NUAK1: variants seen among roughly 807,000 people sequenced by gnomAD.
NUAK1 encodes NUAK family SNF1-like kinase 1.
A neutral mutation model predicts 56.9 loss-of-function variants in NUAK1; 26 were observed. The ratio of observed to expected loss-of-function variants is 0.46; its 90% CI spans 0.33 to 0.63. The LOEUF (loss-of-function observed/expected upper bound fraction) is 0.63, where lower values mean the gene tolerates loss of function less well. Ranked by LOEUF, NUAK1 falls within the 30% of genes least tolerant of loss-of-function variation. The probability of loss-of-function intolerance (pLI) is 0.02; values close to 1 mark genes in which losing one functional copy is unlikely to be tolerated. For synonymous variants in NUAK1, 337 were observed against 336.0 expected (o/e 1.00, Z -0.03); for missense variants, 727 against 876.1 (o/e 0.83, Z 2.15).
Position 106,076,099 on chromosome 12 carries a change from A to G in NUAK1, c.580-3256T>C, listed in dbSNP as rs563099057. On this transcript the variant is annotated intron_variant, in intron 4 of 6. Transcript: ENST00000261402. ...GGATACTGCGGAAAGGCAAAAATCC[A>G]TGAAAAGGATGACAAACTGAAATTT... 2.3e-4 allele frequency among the ~76,000 whole-genome samples: 35 copies of G among 152,382 alleles called. 1 individual carries two copies. The South Asian group carries it at 6.6e-3, about 29-fold the overall frequency.
chr12:106,096,601 C>T (rs953884428), intron 2 of NUAK1, among the ~76,000 whole-genome samples: 21 of 152,192 alleles, frequency 1.4e-4, no homozygotes, highest in Non-Finnish European at 1.5e-5. Flanking sequence ...GGAGTAAACA[C>T]AAGCATAATA....
Position 106,066,415 on chromosome 12 carries a change from C to A in NUAK1, c.*387G>T. 1 of 195,138 alleles carries A rather than the reference C, an allele frequency of 5.1e-6. No homozygotes were observed. Among genetic ancestry groups the A allele is most frequent in the East Asian group, 1.2e-4 (1 of 8,396 alleles). 12.1% of individuals were successfully genotyped at this position (195,138 alleles called of 1,614,324 possible). On this transcript the variant is annotated 3_prime_UTR_variant, in exon 7 of 7. Transcript: ENST00000261402. ...AAGGGGCAAGTTCTTTGGGCTCACC[C>A]AAGGCAAACAGCCCAAGTGTCTCCT... is the stretch of plus-strand genomic sequence containing the variant.
intron 5 of NUAK1, among the ~76,000 whole-genome samples, chr12:106,071,897 T>C (rs1040618701): frequency 6.6e-5 from 10 of 152,176 alleles, no homozygotes; most frequent in Non-Finnish European, 1.2e-4. Flanking sequence ...AACACATAAA[T>C]ATTTGAAAGA....
At chr12:106,080,675 C>T (rs2032508134) in intron 4 of NUAK1, among the ~76,000 whole-genome samples, 2 of 152,210 alleles carry the variant, frequency 1.3e-5, no homozygotes, top group Non-Finnish European at 1.5e-5. Context: ...TGGCTCTCCC[C>T]ACCACTGCAG....
At chr12:106,068,050 C>T in intron 6 of NUAK1, 95 bp from the exon 7 acceptor site, 2 of 1,198,690 alleles carry the variant, frequency 1.7e-6, no homozygotes, top group Non-Finnish European at 2.3e-6. Context: ...GACACACACT[C>T]CCTCTAGGAC....
At chr12:106,107,252 C>CA (rs1198244752) in intron 1 of NUAK1, among the ~76,000 whole-genome samples, 1 of 151,962 alleles carries the variant, frequency 6.6e-6, no homozygotes, top group Non-Finnish European at 1.5e-5. Flanking sequence ...CTGCCAGGGC[C>CA]AACACATGGA....
intron 3 of NUAK1, among the ~76,000 whole-genome samples, chr12:106,085,952 C>G (rs1249584692): frequency 6.6e-6 from 1 of 152,138 alleles, no homozygotes; most frequent in Non-Finnish European, 1.5e-5. Context: ...AGCAATCCTC[C>G]CCCCTCAGCC....
chr12:106,102,146 G>C (rs914237408), intron 2 of NUAK1, among the ~76,000 whole-genome samples: 1 of 152,198 alleles, frequency 6.6e-6, no homozygotes, highest in African/African-American at 2.4e-5. Context: ...GTAAGACCCC[G>C]AGAGTTTTCT....
At chr12:106,072,591 G>T in intron 5 of NUAK1, 133 bp downstream of exon 5, 3 of 989,128 alleles carry the variant, frequency 3.0e-6, no homozygotes, top group Non-Finnish European at 2.9e-6. Flanking sequence ...TTTTATAATC[G>T]TATAAGGAAA....
intron 1 of NUAK1, among the ~76,000 whole-genome samples, chr12:106,111,862 G>A (rs891159603): frequency 3.4e-5 from 5 of 147,560 alleles, no homozygotes; most frequent in African/African-American, 1.3e-4. Context: ...AGAACATTGA[G>A]GCCAGGAAAG....
In NUAK1 at chr12:106,122,755, A is replaced by G. The variant is rs143537801; in HGVS notation, c.240+15659T>C. ...CTTGAGTTGCTTGGTTAAAATGCAG[A>G]AGATACTCGGGTGTCCCCAAGTCCC... On this transcript the variant is annotated intron_variant, in intron 1 of 6. Transcript: ENST00000261402. Among the ~76,000 whole-genome samples, 137 of 152,314 alleles carry G rather than the reference A, an allele frequency of 9.0e-4. 1 individual carries two copies. The East Asian group carries it at 0.016, about 18-fold the overall frequency.
chr12:106,110,050 C>T (rs1387275728), intron 1 of NUAK1, among the ~76,000 whole-genome samples: 3 of 152,150 alleles, frequency 2.0e-5, no homozygotes, highest in Non-Finnish European at 2.9e-5. Flanking sequence ...ATTGCAACCT[C>T]ATCTGAAATC....
intron 1 of NUAK1, among the ~76,000 whole-genome samples, chr12:106,108,037 T>C (rs1353076069): frequency 6.6e-6 from 1 of 151,576 alleles, no homozygotes; most frequent in African/African-American, 2.4e-5. Context: ...AAACATTTAG[T>C]GTAGGCAGGT....
rs2032353373 is a variant in NUAK1 at position 106,067,310 on chromosome 12, C to G, written c.1478G>C (p.Ser493Thr). The change falls in exon 7 of 7, where the codon AGT becomes ACT. Residue 493 changes from serine (S) to threonine (T), a missense_variant. Physicochemically the swap from Ser to Thr is moderately conservative, Grantham distance 58. Transcript: ENST00000261402. The surrounding 1 kb of genome is among the most constrained non-coding windows in gnomAD (Gnocchi z 6.0). Reference protein sequence around the residue: ...ERSESSELLDSNDVMGSSIPS... With the variant: ...ERSESSELLDTNDVMGSSIPS... ...GATGCTGCTGCCCATCACATCATTA[C>G]TGTCCAACAGCTCCGAAGACTCACT... is the stretch of plus-strand genomic sequence containing the variant. 1 of 1,614,082 alleles carries G rather than the reference C, an allele frequency of 6.2e-7. No homozygotes were observed. The highest frequency in any genetic ancestry group is 8.5e-7 in the Non-Finnish European group (1 of 1,180,048).
chr12:106,101,129 G>A (rs532471480), intron 2 of NUAK1, among the ~76,000 whole-genome samples: 1 of 152,290 alleles, frequency 6.6e-6, no homozygotes, highest in East Asian at 1.9e-4. Flanking sequence ...CACCACTGCT[G>A]CCACACTCCT....
intron 1 of NUAK1, among the ~76,000 whole-genome samples, chr12:106,131,972 T>C (rs113603714): frequency 1.5e-4 from 23 of 152,322 alleles, no homozygotes; most frequent in African/African-American, 5.3e-4. Flanking sequence ...CGATGATAAA[T>C]GCATTCTGCT....
chr12:106,136,129 T>A (rs912405065), intron 1 of NUAK1, among the ~76,000 whole-genome samples: 6 of 152,348 alleles, frequency 3.9e-5, no homozygotes, highest in Admixed American at 2.6e-4. Flanking sequence ...TAACATTCTG[T>A]AAGCTCAGCT....
intron 4 of NUAK1, among the ~76,000 whole-genome samples, chr12:106,074,175 A>G (rs1276782301): frequency 6.6e-6 from 1 of 152,142 alleles, no homozygotes; most frequent in African/African-American, 2.4e-5. Flanking sequence ...CCCACACCCA[A>G]GAAACACTTG....
At chr12:106,093,990 G>A (rs1472082311) in intron 2 of NUAK1, among the ~76,000 whole-genome samples, 1 of 151,478 alleles carries the variant, frequency 6.6e-6, no homozygotes, top group Non-Finnish European at 1.5e-5. Flanking sequence ...TTTTTTCTTG[G>A]TAGAGACAGG....
Sources: gnomAD v4.1 joint callset for allele counts (sites outside exome capture counted in the v4.1 genomes callset) on GRCh38, gnomAD v4.1.1 for gene constraint, Gnocchi (gnomAD v3.1) non-coding constraint, MANE v1.5 for transcripts, NCBI Gene and HGNC (gene_info 2026-07-23, HGNC 2026-07-21) for gene names.